EWSR1: variants seen among roughly 807,000 people sequenced by gnomAD.
EWSR1 encodes RNA-binding protein EWS.
EWSR1 carries 14 observed loss-of-function variants against 92.1 expected under a neutral mutation model. The observed-to-expected ratio is 0.15, with a 90% CI of 0.10 to 0.24. The LOEUF (loss-of-function observed/expected upper bound fraction) is 0.24. EWSR1 is among the 10% of genes least tolerant of loss of function. EWSR1 has a pLI of 1.00. For missense variants in EWSR1, 637 were observed against 870.9 expected (o/e 0.73, Z 3.38); for synonymous variants, 303 against 292.9 (o/e 1.03, Z -0.35).
At chr22:29,292,353 T>G (rs1318235886) in intron 10 of EWSR1, 135 bp from the exon 11 acceptor site, 17 of 918,614 alleles carry the variant, frequency 1.9e-5, no homozygotes, top group Non-Finnish European at 3.0e-5. Context: ...ACCAAAAGTT[T>G]GATAGCATTC....
intron 5 of EWSR1, among the ~76,000 whole-genome samples, chr22:29,281,229 G>A (rs2059577594): frequency 2.0e-5 from 3 of 152,058 alleles, no homozygotes. Context: ...TGGCCAGGCT[G>A]GTGTCCAACT....
chr22:29,275,898 T>C (rs370531179), intron 4 of EWSR1: 2 of 230,204 alleles, frequency 8.7e-6, no homozygotes, highest in Non-Finnish European at 1.7e-5. Flanking sequence ...GTGTGTTTTC[T>C]TTTTTTGCCA....
In EWSR1 at chr22:29,300,029, GATT is replaced by G. The variant is rs1569129033; in HGVS notation, c.1932-92_1932-90del. ...TTCCTCACCCCTTCCCATTCTAACCGATTGGGAGGAGCCAGGAAGGGGCACCTG... is the reference window on the plus strand; with the variant it reads ...TTCCTCACCCCTTCCCATTCTAACCGGGGAGGAGCCAGGAAGGGGCACCTG... On this transcript the variant is annotated intron_variant, in intron 16 of 16. Transcript: ENST00000397938. The G allele has an allele frequency of 3.2e-5, 30 of 926,746 alleles. 8 individuals carry two copies. The highest frequency in any genetic ancestry group is 4.6e-5 in the Non-Finnish European group (29 of 633,252). The allele number at this position is 926,746 out of a possible 1,614,324, so 57.4% of individuals were successfully genotyped here. A position where few individuals can be genotyped will look rare whatever the true frequency, so the allele number is the denominator to read the frequency against.
intron 12 of EWSR1, 29 bp from the exon 13 acceptor site, chr22:29,297,798 G>A (rs200959220): frequency 1.1e-5 from 18 of 1,612,760 alleles, no homozygotes; most frequent in Non-Finnish European, 1.4e-5. Flanking sequence ...GTACAGGGGA[G>A]TAATTGATGT....
chr22:29,281,738 G>A (rs2059623267), intron 5 of EWSR1, among the ~76,000 whole-genome samples: 2 of 151,964 alleles, frequency 1.3e-5, no homozygotes, highest in African/African-American at 4.8e-5. Flanking sequence ...CCACCACCAT[G>A]CCTGGCTAAT....
rs117286881 is a variant in EWSR1 at position 29,274,653 on chromosome 22, A to G, written c.226+789A>G. ...CACCCTGCATGTATCATGTTTGTCT[A>G]TTGGTTGGTTTCTAGTCCAGACACA... is the stretch of plus-strand genomic sequence containing the variant. On this transcript the variant is annotated intron_variant, in intron 4 of 16. Transcript: ENST00000397938. Among the ~76,000 whole-genome samples the G allele has an allele frequency of 2.5e-4, 38 of 152,232 alleles. No homozygotes were observed. The East Asian group carries it at 7.3e-3, about 29-fold the overall frequency.
At chr22:29,292,350 G>C in intron 10 of EWSR1, 138 bp from the exon 11 acceptor site, 1 of 921,872 alleles carries the variant, frequency 1.1e-6, no homozygotes, top group Non-Finnish European at 1.7e-6. Context: ...TAAACCAAAA[G>C]TTTGATAGCA....
intron 4 of EWSR1, chr22:29,277,820 G>A: frequency 1.9e-6 from 1 of 537,976 alleles, no homozygotes; most frequent in Non-Finnish European, 3.3e-6. Context: ...TAGAGCAAAT[G>A]AGACAGTTAC....
intron 8 of EWSR1, chr22:29,289,295 G>A (rs2060271711): frequency 4.3e-6 from 1 of 231,326 alleles, no homozygotes; most frequent in South Asian, 1.8e-4. Context: ...ATAGCCTGAG[G>A]TGCACCTGAT....
rs981337481 is a variant in EWSR1 at position 29,268,307 on chromosome 22, C to G, written c.-30C>G. ...AGAGGGAAAGCGAGAGGGAGACGGA[C>G]GTTGAGAGAACGAGGAGGAAGGAGA... On this transcript the variant is annotated 5_prime_UTR_variant, in exon 1 of 17. Transcript: ENST00000397938. 2.5e-5 allele frequency: 40 copies of G among 1,611,528 alleles called. No individual in the cohort carries two copies. The highest frequency in any genetic ancestry group is 8.9e-5 in the East Asian group (4 of 44,874).
intron 5 of EWSR1, among the ~76,000 whole-genome samples, chr22:29,278,661 G>GA (rs1260543696): frequency 1.3e-5 from 2 of 152,014 alleles, no homozygotes; most frequent in African/African-American, 2.4e-5. Context: ...CGGCTCTGCT[G>GA]AAAAATACAA....
chr22:29,290,189 A>C (rs1199063318), intron 8 of EWSR1: 1 of 431,682 alleles, frequency 2.3e-6, no homozygotes, highest in African/African-American at 2.0e-5. Flanking sequence ...TAGGTTTTTC[A>C]ACAGACTGTG....
chr22:29,299,338 G>A lies in EWSR1; in HGVS notation c.1678+7G>A. ...CCACCCTTTCCGCCCCCGGGTAGGT[G>A]CAGGTTTCATGAGTGTCCCCTCAGC... is the stretch of plus-strand genomic sequence containing the variant. On this transcript the variant is annotated splice_region_variant and intron_variant, in intron 15 of 16. Coordinates refer to ENST00000397938, the MANE Select transcript of EWSR1 (RefSeq NM_005243.4). 3.7e-6 allele frequency: 6 copies of A among 1,612,674 alleles called. No individual in the cohort carries two copies. Among genetic ancestry groups the A allele is most frequent in the Non-Finnish European group, 4.2e-6 (5 of 1,178,848 alleles).
At chr22:29,272,468 A>T in intron 3 of EWSR1, 37 bp downstream of exon 3, 1 of 1,581,996 alleles carries the variant, frequency 6.3e-7, no homozygotes, top group East Asian at 2.2e-5. Context: ...CTGCACCTCC[A>T]AGTAAAATCA....
chr22:29,274,600 A>G (rs1215917120), intron 4 of EWSR1: 1 of 369,830 alleles, frequency 2.7e-6, no homozygotes, highest in Non-Finnish European at 5.0e-6. Context: ...AGATTGCATG[A>G]TGAGATTTAT....
intron 3 of EWSR1, 141 bp from the exon 4 acceptor site, chr22:29,273,600 T>G: frequency 1.1e-6 from 1 of 910,398 alleles, no homozygotes; most frequent in Non-Finnish European, 1.6e-6. Flanking sequence ...ATTATTTGTC[T>G]TGTTTTGTTG....
chr22:29,283,515 ACTTTT>A (rs1193177134), intron 6 of EWSR1, among the ~76,000 whole-genome samples: 2 of 150,344 alleles, frequency 1.3e-5, no homozygotes, highest in Non-Finnish European at 2.9e-5. Context: ...CACCTGACTA[ACTTTT>A]CTTTTTGTTT....
intron 15 of EWSR1, 57 bp from the exon 16 acceptor site, chr22:29,299,542 C>T: frequency 1.3e-6 from 2 of 1,540,086 alleles, no homozygotes; most frequent in Non-Finnish European, 8.8e-7. Context: ...TCCACAGTGT[C>T]CACAGGGCCT....
intron 11 of EWSR1, chr22:29,295,625 A>T (rs970053566): frequency 1.3e-5 from 3 of 224,490 alleles, no homozygotes; most frequent in African/African-American, 6.7e-5. Flanking sequence ...CTCTTGTGTT[A>T]CTGGATATAT....
Sources: allele counts gnomAD v4.1 joint callset (sites outside exome capture counted in the v4.1 genomes callset), GRCh38; gene constraint gnomAD v4.1.1; transcripts MANE v1.5; gene names NCBI Gene and HGNC (gene_info 2026-07-23, HGNC 2026-07-21).